The following CEP126 variants were observed in gnomAD, a reference collection of about 807,000 sequenced individuals.
The protein encoded by CEP126 is centrosomal protein 126, also known as centrosomal protein of 126 kDa.
Under a neutral mutation model 107.8 loss-of-function variants are expected in CEP126, and 74 were observed. That is an observed-to-expected ratio of 0.69 (90% CI 0.57 to 0.83). The LOEUF is 0.83. Among genes scored for constraint, CEP126 ranks in the 40% least tolerant of loss-of-function variants. The pLI is 0.00. For synonymous variants in CEP126, 449 were observed against 446.0 expected, an observed-to-expected ratio of 1.01 and a Z score of -0.08; for missense variants, 1,237 against 1,281.9, an observed-to-expected ratio of 0.96 and a Z score of 0.53.
At chr11:101,974,043 G>T (rs1219558274) in intron 6 of CEP126, among the ~76,000 whole-genome samples, 1 of 152,100 alleles carries the variant, frequency 6.6e-6, no homozygotes, top group East Asian at 1.9e-4. Flanking sequence ...AATGTGGTCA[G>T]TTCCTTTATG....
chr11:101,994,872 G>GT (rs5794151), intron 10 of CEP126, among the ~76,000 whole-genome samples: 75,428 of 145,632 alleles, frequency 0.52, 19,602 homozygotes, highest in East Asian at 0.76. Flanking sequence ...TGTCTTGAGA[G>GT]TTTTTTTTTT....
At chr11:101,929,625 T>A (rs1940463667) in intron 2 of CEP126, among the ~76,000 whole-genome samples, 1 of 152,172 alleles carries the variant, frequency 6.6e-6, no homozygotes, top group Non-Finnish European at 1.5e-5. Flanking sequence ...ATGGAGAGCG[T>A]AGGGCACTTC....
intron 10 of CEP126, among the ~76,000 whole-genome samples, chr11:101,994,662 G>A (rs1941421556): frequency 6.6e-6 from 1 of 152,158 alleles, no homozygotes; most frequent in Admixed American, 6.5e-5. Context: ...CAACCTTGTT[G>A]AAGATCAGAT....
At chr11:101,943,384 T>C (rs1412683027) in intron 2 of CEP126, among the ~76,000 whole-genome samples, 1 of 152,068 alleles carries the variant, frequency 6.6e-6, no homozygotes, top group Non-Finnish European at 1.5e-5. Context: ...AGATGCTTAA[T>C]AGTAACCTAT....
rs1206652833 is a variant in CEP126, at chr11:102,001,034, G to T, written c.*3391G>T. On this transcript the variant is annotated 3_prime_UTR_variant, in exon 11 of 11. Coordinates refer to ENST00000263468, the MANE Select transcript of CEP126 (RefSeq NM_020802.4). Reference sequence around the variant, plus strand: ...GTCAATTTCATGTAATTTACCCTTTGCAATAAAAATGATTCATTAAATATA... The same window carrying T: ...GTCAATTTCATGTAATTTACCCTTTTCAATAAAAATGATTCATTAAATATA... The T allele has an allele frequency of 1.3e-5, 2 of 151,986 alleles. No individual in the cohort carries two copies. Among genetic ancestry groups the T allele is most frequent in the Non-Finnish European group, 2.9e-5 (2 of 68,004 alleles). The allele number at this position is 151,986 out of a possible 1,614,324, so 9.4% of individuals were successfully genotyped here.
At position 101,948,124 on chromosome 11, in the gene CEP126, G is replaced by T; in HGVS notation, c.488G>T (p.Arg163Ile). 1.2e-6 allele frequency: 2 copies of T among 1,601,060 alleles called. No homozygotes were observed. The highest frequency in any genetic ancestry group is 1.1e-5 in the South Asian group (1 of 90,380). ...GAAGTAAACCTTCCCTTTTCCCGTA[G>T]ACCAACAATAAACTGGAGGTAAGTA... is the stretch of plus-strand genomic sequence containing the variant. The part of the protein sequence containing the change: ...KSEVNLPFSR[R>I]PTINWRAIDS... Residue 163 changes from arginine to isoleucine, a missense_variant, in exon 4 of 11, where the codon AGA (arginine) becomes ATA (isoleucine). This residue lies in a region of CEP126 where 1,134 missense variants were observed against 1,150.5 expected (regional missense o/e 0.99). Coordinates refer to ENST00000263468, the MANE Select transcript of CEP126 (RefSeq NM_020802.4).
chr11:101,996,583 C>T (rs759459413), intron 10 of CEP126, among the ~76,000 whole-genome samples: 4 of 152,092 alleles, frequency 2.6e-5, no homozygotes, highest in Admixed American at 2.0e-4. Flanking sequence ...TAAAAATAAG[C>T]GGTCTCTTAT....
intron 2 of CEP126, 134 bp downstream of exon 2, chr11:101,922,894 G>A (rs1002231893): frequency 4.2e-6 from 3 of 710,432 alleles, no homozygotes; most frequent in Admixed American, 3.1e-5. Context: ...AGATTTGTGT[G>A]GCTTTGTAAA....
Position 101,958,188 on chromosome 11 carries a change from C to T in CEP126, c.527C>T (p.Pro176Leu). 1 of 1,613,790 alleles carries T rather than the reference C, an allele frequency of 6.2e-7. No individual in the cohort carries two copies. The highest frequency in any genetic ancestry group is 8.5e-7 in the Non-Finnish European group (1 of 1,179,876). ...CACAGAGCTATAGATTCTGCCTTGC[C>T]TTCCGCATTATCAAAAAATGATCAC... The part of the protein sequence containing the change: ...INWRAIDSAL[P>L]SALSKNDHKH... Residue 176 changes from proline (P) to leucine (L), a missense_variant, in exon 5 of 11, where the codon CCT becomes CTT. This residue lies in a region of CEP126 where 1,134 missense variants were observed against 1,150.5 expected (regional missense o/e 0.99). Transcript: ENST00000263468.
At position 101,915,251 on chromosome 11, in the gene CEP126, G is replaced by C. The variant is rs934091173; in HGVS notation, c.-34G>C. 1.9e-6 allele frequency: 3 copies of C among 1,611,608 alleles called. No individual in the cohort carries two copies. Among genetic ancestry groups the C allele is most frequent in the Non-Finnish European group, 2.5e-6 (3 of 1,179,060 alleles). On this transcript the variant is annotated 5_prime_UTR_variant, in exon 1 of 11. Transcript: ENST00000263468. The stretch of plus-strand genomic sequence containing the variant: ...CCGGAGCTGCCATGAGGGAGGTTCT[G>C]GGGGCGAGCAGACAGGCGGCGCTGA...
intron 5 of CEP126, 73 bp downstream of exon 5, chr11:101,958,439 C>T (rs1940929678): frequency 1.6e-6 from 2 of 1,231,118 alleles, no homozygotes; most frequent in Non-Finnish European, 2.3e-6. Flanking sequence ...GCAGTGTTCT[C>T]CACTAAAGAA....
At chr11:101,979,854 T>C (rs1038159648) in intron 7 of CEP126, among the ~76,000 whole-genome samples, 2 of 152,232 alleles carry the variant, frequency 1.3e-5, no homozygotes, top group African/African-American at 4.8e-5. Flanking sequence ...ATCCAAGGAT[T>C]GACTTTAGAA....
chr11:101,952,252 A>G (rs889052600), intron 4 of CEP126, among the ~76,000 whole-genome samples: 6 of 152,188 alleles, frequency 3.9e-5, no homozygotes, highest in African/African-American at 1.4e-4. Context: ...TTGTGGGCAG[A>G]TAGGTTGGAA....
chr11:101,991,432 A>G (rs1297082201), intron 9 of CEP126, among the ~76,000 whole-genome samples: 1 of 152,202 alleles, frequency 6.6e-6, no homozygotes, highest in East Asian at 1.9e-4. Context: ...AAAGCAATCA[A>G]TGAATAAGAT....
chr11:101,922,558 G>A lies in CEP126; in HGVS notation c.129-83G>A, dbSNP rs1317216476. 7 of 1,017,752 alleles carry A rather than the reference G, an allele frequency of 6.9e-6. No individual in the cohort carries two copies. In the East Asian group the frequency reaches 9.9e-5, roughly 14 times the overall value. The allele number at this position is 1,017,752 out of a possible 1,614,324, so 63.0% of individuals were successfully genotyped here. On this transcript the variant is annotated intron_variant, in intron 1 of 10. Coordinates refer to ENST00000263468, the MANE Select transcript of CEP126 (RefSeq NM_020802.4). ...ACTATCATTACATCATTTGCATGAG[G>A]CTGTAGTTATATTTATCATATAGCA... is the stretch of plus-strand genomic sequence containing the variant.
intron 8 of CEP126, among the ~76,000 whole-genome samples, chr11:101,984,487 G>A (rs1941293753): frequency 2.0e-5 from 3 of 152,178 alleles, no homozygotes; most frequent in Admixed American, 2.0e-4. Context: ...AAGACTCCAG[G>A]TGTTTTCATT....
At chr11:101,992,369 A>G (rs187488910) in intron 9 of CEP126, among the ~76,000 whole-genome samples, 34 of 152,232 alleles carry the variant, frequency 2.2e-4, no homozygotes, top group Middle Eastern at 6.8e-3. Context: ...ATAGACAAAA[A>G]TCTAAAAATT....
chr11:101,994,885 T>TC (rs1239139976), intron 10 of CEP126, among the ~76,000 whole-genome samples: 1 of 151,814 alleles, frequency 6.6e-6, no homozygotes, highest in Non-Finnish European at 1.5e-5. Context: ...TTTTTTTTTT[T>TC]TAATTATACT....
At chr11:101,923,055 TG>T (rs1314273400) in intron 2 of CEP126, among the ~76,000 whole-genome samples, 1 of 152,222 alleles carries the variant, frequency 6.6e-6, no homozygotes, top group Non-Finnish European at 1.5e-5. Context: ...CTTCTTTTTT[TG>T]TATCATTTCA....
Sources: allele counts gnomAD v4.1 joint callset (sites outside exome capture counted in the v4.1 genomes callset), GRCh38; gene constraint gnomAD v4.1.1; regional missense constraint gnomAD v4.1.1; transcripts MANE v1.5; gene names NCBI Gene and HGNC (gene_info 2026-07-23, HGNC 2026-07-21).